Variants in KMT5A observed in about 807,000 individuals in gnomAD.
KMT5A encodes N-lysine methyltransferase KMT5A.
In KMT5A, 6 loss-of-function variants were observed where a neutral mutation model predicts 40.6. The ratio of observed to expected loss-of-function variants is 0.15; its 90% CI spans 0.08 to 0.29. The LOEUF (loss-of-function observed/expected upper bound fraction) is 0.29, where lower values mean the gene tolerates loss of function less well. Ranked by LOEUF, KMT5A falls within the 10% of genes least tolerant of loss-of-function variation. The pLI is 1.00. For missense variants in KMT5A, 308 were observed against 459.1 expected, an observed-to-expected ratio of 0.67 and a Z score of 3.01; for synonymous variants, 153 against 178.8, an observed-to-expected ratio of 0.86 and a Z score of 1.15.
At chr12:123,401,144 CTTT>C (rs58431238) in intron 5 of KMT5A, among the ~76,000 whole-genome samples, 1 of 75,678 alleles carries the variant, frequency 1.3e-5, no homozygotes. Flanking sequence ...ATATATCTTT[CTTT>C]TTTTTTTTTT....
At chr12:123,390,921 C>A in intron 3 of KMT5A, 135 bp downstream of exon 3, 1 of 1,072,934 alleles carries the variant, frequency 9.3e-7, no homozygotes, top group Non-Finnish European at 1.3e-6. Flanking sequence ...CATGTTCTGT[C>A]TTGCTGCTGA....
intron 4 of KMT5A, among the ~76,000 whole-genome samples, chr12:123,395,562 T>C (rs1877654580): frequency 6.6e-6 from 1 of 151,174 alleles, no homozygotes; most frequent in South Asian, 2.1e-4. Context: ...GATTGGTGTT[T>C]TGTGTTTTTT....
At chr12:123,391,076 G>T in intron 3 of KMT5A, 1 of 364,732 alleles carries the variant, frequency 2.7e-6, no homozygotes, top group Non-Finnish European at 5.1e-6. Flanking sequence ...AGGCTCACAA[G>T]TGCTGAAAGT....
At chr12:123,395,653 C>T (rs912350886) in intron 4 of KMT5A, among the ~76,000 whole-genome samples, 1 of 151,490 alleles carries the variant, frequency 6.6e-6, no homozygotes, top group African/African-American at 2.4e-5. Context: ...CAAACACCAC[C>T]TCCTGGGTTC....
At chr12:123,396,551 T>C in intron 5 of KMT5A, 119 bp downstream of exon 5, 1 of 894,252 alleles carries the variant, frequency 1.1e-6, no homozygotes, top group South Asian at 1.5e-5. Context: ...AGCAAGTCTC[T>C]TGGCCCCTCT....
intron 4 of KMT5A, among the ~76,000 whole-genome samples, chr12:123,395,566 G>GTT (rs144265301): frequency 7.0e-6 from 1 of 143,062 alleles, no homozygotes; most frequent in Admixed American, 7.0e-5. Flanking sequence ...GGTGTTTTGT[G>GTT]TTTTTTTTTT....
intron 5 of KMT5A, among the ~76,000 whole-genome samples, chr12:123,402,495 T>G (rs2139198571): frequency 6.6e-6 from 1 of 152,296 alleles, no homozygotes; most frequent in South Asian, 2.1e-4. Flanking sequence ...GCTCAGCAGT[T>G]GGTGTCAGGC....
intron 5 of KMT5A, among the ~76,000 whole-genome samples, chr12:123,401,987 ATCC>A (rs2139197109): frequency 6.6e-6 from 1 of 152,174 alleles, no homozygotes; most frequent in African/African-American, 2.4e-5. Context: ...GGCTCCAGCA[ATCC>A]TCCTCCTTCC....
At chr12:123,403,473 C>A in intron 5 of KMT5A, 100 bp from the exon 6 acceptor site, 1 of 1,309,254 alleles carries the variant, frequency 7.6e-7, no homozygotes. Flanking sequence ...GATTGTGGCC[C>A]GGTGGGCATG....
In KMT5A at chr12:123,384,261, A is replaced by T; in HGVS notation, c.10+53A>T. On this transcript the variant is annotated intron_variant, in intron 1 of 7. Transcript: ENST00000402868. This position sits in a 1 kb window ranked among gnomAD's most constrained non-coding sequence, Gnocchi z 5.7. ...GCGGCTGGGTCGGGGGTCGTGCTGG[A>T]GGGGTTGCCGGGGTGGAGGCAGCGG... 1.2e-6 allele frequency: 2 copies of T among 1,603,908 alleles called. No homozygotes were observed. Among genetic ancestry groups the T allele is most frequent in the Non-Finnish European group, 1.7e-6 (2 of 1,176,724 alleles).
At chr12:123,402,758 C>T (rs1053508595) in intron 5 of KMT5A, among the ~76,000 whole-genome samples, 4 of 152,160 alleles carry the variant, frequency 2.6e-5, no homozygotes, top group East Asian at 1.9e-4. Flanking sequence ...TATTGACCCT[C>T]GGGATTGGAG....
intron 7 of KMT5A, among the ~76,000 whole-genome samples, chr12:123,405,464 C>T (rs1177966386): frequency 7.1e-6 from 1 of 140,262 alleles, no homozygotes; most frequent in African/African-American, 2.9e-5. Context: ...AGCCACTGCG[C>T]TCGGGCTGTT....
At chr12:123,396,873 G>A (rs1469952258) in intron 5 of KMT5A, among the ~76,000 whole-genome samples, 4 of 152,188 alleles carry the variant, frequency 2.6e-5, no homozygotes, top group Non-Finnish European at 5.9e-5. Flanking sequence ...TGCTGGTTGC[G>A]TAGCCTTGGG....
chr12:123,400,310 C>T (rs541630465), intron 5 of KMT5A, among the ~76,000 whole-genome samples: 2 of 151,996 alleles, frequency 1.3e-5, no homozygotes, highest in South Asian at 2.1e-4. Flanking sequence ...GCTGGGATTA[C>T]AGGCGTGAGC....
intron 5 of KMT5A, among the ~76,000 whole-genome samples, chr12:123,398,281 CAAAAA>C (rs796830823): frequency 1.5e-5 from 2 of 134,604 alleles, no homozygotes; most frequent in Non-Finnish European, 3.2e-5. Context: ...GACTCCGTCT[CAAAAA>C]AAAAAAAAGA....
Position 123,384,339 on chromosome 12 carries a change from TG to T in KMT5A, c.10+137del, listed in dbSNP as rs1566069676. ...CTCGGGGCAAGCTTGGGGACCCGCG[TG>T]GGGGGAGAGGGGGTGCTGCTGCGGA... On this transcript the variant is annotated intron_variant, in intron 1 of 7. Coordinates refer to ENST00000402868, the MANE Select transcript of KMT5A (RefSeq NM_020382.7). The surrounding 1 kb of genome is among the most constrained non-coding windows in gnomAD (Gnocchi z 5.7). 1 of 1,286,026 alleles carries T rather than the reference TG, an allele frequency of 7.8e-7. No homozygotes were observed. Among genetic ancestry groups the T allele is most frequent in the Non-Finnish European group, 1.1e-6 (1 of 927,294 alleles). The allele number at this position is 1,286,026 out of a possible 1,614,324, so 79.7% of individuals were successfully genotyped here.
intron 7 of KMT5A, among the ~76,000 whole-genome samples, chr12:123,405,340 T>C (rs114419282): frequency 8.0e-4 from 122 of 151,714 alleles, no homozygotes; most frequent in African/African-American, 2.7e-3. Flanking sequence ...ATTTTTTTTT[T>C]CTGTATTTTT....
intron 1 of KMT5A, among the ~76,000 whole-genome samples, chr12:123,387,071 G>T (rs1323326029): frequency 2.0e-5 from 3 of 152,018 alleles, no homozygotes; most frequent in Admixed American, 6.6e-5. Context: ...TGGCCAGGCT[G>T]GTCTCAAACT....
chr12:123,399,450 T>TACC (rs1457562129), intron 5 of KMT5A, among the ~76,000 whole-genome samples: 1 of 152,218 alleles, frequency 6.6e-6, no homozygotes, highest in Non-Finnish European at 1.5e-5. Context: ...GCGCATCTCC[T>TACC]ACCTGCCGTG....
Sources: allele counts gnomAD v4.1 joint callset (sites outside exome capture counted in the v4.1 genomes callset), GRCh38; gene constraint gnomAD v4.1.1; non-coding constraint Gnocchi (gnomAD v3.1); transcripts MANE v1.5; gene names NCBI Gene and HGNC (gene_info 2026-07-23, HGNC 2026-07-21).